Variants in FAM180A observed in about 807,000 individuals in gnomAD.
FAM180A encodes the protein protein FAM180A.
In FAM180A, 14 loss-of-function variants were observed where a neutral mutation model predicts 15.3. The ratio of observed to expected loss-of-function variants is 0.92; its 90% CI spans 0.61 to 1.43. The LOEUF is 1.43. FAM180A is among the 40% of genes most tolerant of loss of function. The pLI is 0.00. For synonymous variants in FAM180A, 90 were observed against 96.8 expected (o/e 0.93, Z 0.41); for missense variants, 200 against 220.8 (o/e 0.91, Z 0.60).
intron 2 of FAM180A, 40 bp from the exon 3 acceptor site, chr7:135,734,359 C>T (rs1179984507): frequency 1.3e-6 from 2 of 1,540,414 alleles, no homozygotes; most frequent in African/African-American, 1.4e-5. Context: ...TGAAGTGAGG[C>T]ATTGCTGAGG....
In FAM180A at chr7:135,733,872, G is replaced by A. The variant is rs1796828502; in HGVS notation, c.*103C>T. 11 of 1,444,986 alleles carry A rather than the reference G, an allele frequency of 7.6e-6. No homozygotes were observed. Among genetic ancestry groups the A allele is most frequent in the Non-Finnish European group, 7.3e-6 (8 of 1,099,700 alleles). The allele number at this position is 1,444,986 out of a possible 1,614,324, so 89.5% of individuals were successfully genotyped here. On this transcript the variant is annotated 3_prime_UTR_variant, in exon 3 of 4. Transcript: ENST00000338588. ...TTGATCTCTGCTGCTCTGTGTCAGC[G>A]GTAAGAGTTTTGTTGCTGGTCTCTG... is the stretch of plus-strand genomic sequence containing the variant.
intron 3 of FAM180A, among the ~76,000 whole-genome samples, chr7:135,730,535 A>G (rs570500376): frequency 1.3e-5 from 2 of 152,320 alleles, no homozygotes; most frequent in Admixed American, 6.5e-5. Flanking sequence ...AAACAAACAA[A>G]CAAAAACAAA....
rs117330554 is a variant in FAM180A at position 135,748,438 on chromosome 7, A to G, written c.76+67T>C. On this transcript the variant is annotated intron_variant, in intron 1 of 3. Coordinates refer to ENST00000338588, the MANE Select transcript of FAM180A (RefSeq NM_205855.4). ...GGGGCTTCTAATGTCCTTCCCTCCA[A>G]ATTTTGAATTGCATTGAAGAAAGTA... 4.1e-4 allele frequency: 545 copies of G among 1,338,962 alleles called. 1 individual carries two copies. The East Asian group carries it at 0.012, about 29-fold the overall frequency. The allele number at this position is 1,338,962 out of a possible 1,614,324, so 82.9% of individuals were successfully genotyped here.
chr7:135,739,828 TACC>T (rs1385887716), intron 1 of FAM180A, among the ~76,000 whole-genome samples: 1 of 152,222 alleles, frequency 6.6e-6, no homozygotes, highest in Non-Finnish European at 1.5e-5. Flanking sequence ...TTATGATCGA[TACC>T]ACAAGTTCCT....
intron 1 of FAM180A, among the ~76,000 whole-genome samples, chr7:135,741,826 A>AAC (rs1353597131): frequency 3.9e-5 from 6 of 152,152 alleles, no homozygotes; most frequent in Admixed American, 1.3e-4. Flanking sequence ...CTGTCTCAAA[A>AAC]AAAAAAAAAG....
At chr7:135,747,170 C>T (rs1260181368) in intron 1 of FAM180A, among the ~76,000 whole-genome samples, 2 of 152,132 alleles carry the variant, frequency 1.3e-5, no homozygotes, top group African/African-American at 4.8e-5. Context: ...TTGTTTGTAA[C>T]ACAAAGGCTA....
intron 1 of FAM180A, among the ~76,000 whole-genome samples, chr7:135,747,685 C>G (rs933020822): frequency 3.3e-5 from 5 of 152,230 alleles, no homozygotes; most frequent in African/African-American, 7.2e-5. Context: ...CTTGAAGGAG[C>G]CTGTTCTTCT....
chr7:135,745,440 G>A (rs1448839931), intron 1 of FAM180A, among the ~76,000 whole-genome samples: 1 of 152,074 alleles, frequency 6.6e-6, no homozygotes, highest in Non-Finnish European at 1.5e-5. Flanking sequence ...GCCCTGGCAG[G>A]ACCTGGTATG....
chr7:135,735,734 G>A (rs925867133), intron 2 of FAM180A, among the ~76,000 whole-genome samples: 11 of 152,066 alleles, frequency 7.2e-5, no homozygotes, highest in East Asian at 3.8e-4. Context: ...ATGGAGTCTC[G>A]CTCTGTCACC....
intron 3 of FAM180A, 86 bp from the exon 4 acceptor site, chr7:135,730,367 C>G: frequency 2.9e-6 from 1 of 339,242 alleles, no homozygotes; most frequent in Non-Finnish European, 4.2e-6. Flanking sequence ...CATGGTGAAA[C>G]CCCATCTCTG....
chr7:135,740,210 T>C (rs1049083085), intron 1 of FAM180A, among the ~76,000 whole-genome samples: 1 of 152,212 alleles, frequency 6.6e-6, no homozygotes, highest in African/African-American at 2.4e-5. Flanking sequence ...TAGTTAACAC[T>C]GTTAGAGTCA....
At chr7:135,741,111 G>T (rs74938927) in intron 1 of FAM180A, among the ~76,000 whole-genome samples, 24 of 152,094 alleles carry the variant, frequency 1.6e-4, no homozygotes, top group Non-Finnish European at 2.9e-4. Context: ...GACTTTCTTC[G>T]CTCAGTTGTT....
rs553609552 is a variant in FAM180A, at chr7:135,733,777, T to G, written c.*198A>C. Reference sequence around the variant, plus strand: ...TTCCAGCCCTTTCTTCCAGCCCAGGTCACATGATGGCATGAATCAGATGTG... The same window carrying G: ...TTCCAGCCCTTTCTTCCAGCCCAGGGCACATGATGGCATGAATCAGATGTG... On this transcript the variant is annotated 3_prime_UTR_variant, in exon 3 of 4. Transcript: ENST00000338588. 61 of 1,381,266 alleles carry G rather than the reference T, an allele frequency of 4.4e-5. No homozygotes were observed. Among genetic ancestry groups the G allele is most frequent in the Middle Eastern group, 2.7e-4 (1 of 3,746 alleles). 85.6% of individuals were successfully genotyped at this position (1,381,266 alleles called of 1,614,324 possible).
intron 1 of FAM180A, among the ~76,000 whole-genome samples, chr7:135,745,316 G>A (rs911951198): frequency 3.3e-5 from 5 of 152,178 alleles, no homozygotes; most frequent in Non-Finnish European, 7.3e-5. Flanking sequence ...TAACTTGTAT[G>A]TATTCAACAA....
chr7:135,730,392 A>G, intron 3 of FAM180A, 111 bp from the exon 4 acceptor site: 1 of 232,478 alleles, frequency 4.3e-6, no homozygotes, highest in Non-Finnish European at 7.1e-6. Flanking sequence ...AAATACAAAA[A>G]AATTAGCAGG....
At chr7:135,732,344 T>G (rs1428632712) in intron 3 of FAM180A, among the ~76,000 whole-genome samples, 1 of 152,174 alleles carries the variant, frequency 6.6e-6, no homozygotes, top group Non-Finnish European at 1.5e-5. Context: ...TTGTAGGAAC[T>G]TCATAGGTAG....
intron 1 of FAM180A, among the ~76,000 whole-genome samples, chr7:135,746,760 A>G (rs374696643): frequency 6.6e-4 from 100 of 152,280 alleles, no homozygotes; most frequent in African/African-American, 2.2e-3. Flanking sequence ...GAGGTGTGAA[A>G]ACAGGGTGAC....
At chr7:135,732,723 AC>A (rs1796803233) in intron 3 of FAM180A, among the ~76,000 whole-genome samples, 2 of 139,266 alleles carry the variant, frequency 1.4e-5, no homozygotes, top group Non-Finnish European at 3.1e-5. Flanking sequence ...ACACACACAC[AC>A]ACACACACAC....
chr7:135,748,604 T>G lies in FAM180A; in HGVS notation c.-24A>C. The G allele has an allele frequency of 6.2e-7, 1 of 1,606,600 alleles. No individual in the cohort carries two copies. Among genetic ancestry groups the G allele is most frequent in the Non-Finnish European group, 8.5e-7 (1 of 1,173,352 alleles). On this transcript the variant is annotated 5_prime_UTR_variant, in exon 1 of 4. Coordinates refer to ENST00000338588, the MANE Select transcript of FAM180A (RefSeq NM_205855.4). ...ATCTTGTCCTTCAAAAGGTGAAAAATCGACCCTCAAGCCCAGTGGAACCCC... is the reference window on the plus strand; with the variant it reads ...ATCTTGTCCTTCAAAAGGTGAAAAAGCGACCCTCAAGCCCAGTGGAACCCC...
Sources: allele counts gnomAD v4.1 joint callset (sites outside exome capture counted in the v4.1 genomes callset), GRCh38; gene constraint gnomAD v4.1.1; transcripts MANE v1.5; gene names NCBI Gene and HGNC (gene_info 2026-07-23, HGNC 2026-07-21).